The following STK32B variants were observed in gnomAD, a reference collection of about 807,000 sequenced individuals.
STK32B encodes serine/threonine-protein kinase 32B.
A neutral mutation model predicts 52.6 loss-of-function variants in STK32B; 43 were observed. That is an observed-to-expected ratio of 0.82 (90% CI 0.64 to 1.05). The LOEUF (loss-of-function observed/expected upper bound fraction) is 1.05, where lower values mean the gene tolerates loss of function less well. Ranked by LOEUF, STK32B falls within the 50% of genes least tolerant of loss-of-function variation. STK32B has a pLI of 0.00. For synonymous variants in STK32B, 238 were observed against 204.3 expected (o/e 1.17, Z -1.41); for missense variants, 621 against 534.6 (o/e 1.16, Z -1.59).
rs1553871445 is a variant in STK32B at position 5,317,042 on chromosome 4, T to TATATA, written c.261-14177_261-14173dup. 1.2e-3 allele frequency among the ~76,000 whole-genome samples: 23 copies of TATATA among 18,770 alleles called. 2 individuals are homozygous for TATATA. Among genetic ancestry groups the TATATA allele is most frequent in the African/African-American group, 9.8e-3 (13 of 1,322 alleles). The allele number at this position is 18,770 out of a possible 152,430, so 12.3% of individuals were successfully genotyped here. ...ATATAATATATATGATATAATATATTATATATATAATATATATGATATAAT... is the reference window on the plus strand; with the variant it reads ...ATATAATATATATGATATAATATATTATATAATATATATAATATATATGATATAAT... On this transcript the variant is annotated intron_variant, in intron 3 of 11. Transcript: ENST00000282908.
chr4:5,500,300 T>A lies in STK32B; in HGVS notation c.*1217T>A, dbSNP rs1017017707. 6.6e-6 allele frequency: 1 copy of A among 152,220 alleles called. No individual in the cohort carries two copies. The highest frequency in any genetic ancestry group is 2.4e-5 in the African/African-American group (1 of 41,458). The allele number at this position is 152,220 out of a possible 1,614,324, so 9.4% of individuals were successfully genotyped here. On this transcript the variant is annotated 3_prime_UTR_variant, in exon 12 of 12. Transcript: ENST00000282908. The stretch of plus-strand genomic sequence containing the variant: ...TTTTAAACAGGGATAATAAAACTAA[T>A]ATTGCAGGGGAGTTACAGGGTTAAA...
Position 5,086,974 on chromosome 4 carries a change from A to T in STK32B, c.52+35059A>T, listed in dbSNP as rs7679073. Among the ~76,000 whole-genome samples the T allele has an allele frequency of 4.4e-3, 672 of 152,372 alleles. 3 individuals are homozygous for T. Among genetic ancestry groups the T allele is most frequent in the African/African-American group, 0.015 (637 of 41,592 alleles). ...GAAATGAAATGTAAGGATAGTATAG[A>T]GTAACTCAAAGCTGCATGAAGAAAT... On this transcript the variant is annotated intron_variant, in intron 1 of 11. Transcript: ENST00000282908.
At chr4:5,420,812 C>T (rs1042465138) in intron 6 of STK32B, among the ~76,000 whole-genome samples, 2 of 152,196 alleles carry the variant, frequency 1.3e-5, no homozygotes, top group African/African-American at 4.8e-5. Flanking sequence ...GTTCTGACTG[C>T]TTTCATGCTG....
chr4:5,371,359 C>T (rs1489084988), intron 4 of STK32B, among the ~76,000 whole-genome samples: 1 of 152,020 alleles, frequency 6.6e-6, no homozygotes, highest in African/African-American at 2.4e-5. Context: ...GAGGGTGATC[C>T]AATATCAAAG....
intron 1 of STK32B, among the ~76,000 whole-genome samples, chr4:5,052,514 C>T (rs1240464403): frequency 6.6e-6 from 1 of 152,148 alleles, no homozygotes; most frequent in Non-Finnish European, 1.5e-5. Context: ...AACCGCATCT[C>T]AACTTCCTGG....
chr4:5,192,452 C>G (rs1721285544), intron 3 of STK32B, among the ~76,000 whole-genome samples: 2 of 152,174 alleles, frequency 1.3e-5, no homozygotes, highest in Non-Finnish European at 2.9e-5. Context: ...GTTCTGAGTT[C>G]ATAACATTTA....
chr4:5,288,975 G>C (rs1728716700), intron 3 of STK32B, among the ~76,000 whole-genome samples: 1 of 152,166 alleles, frequency 6.6e-6, no homozygotes, highest in Admixed American at 6.5e-5. Flanking sequence ...TGAATAAATG[G>C]TGTTCCAGCA....
chr4:5,481,028 T>TGC (rs1718656530), intron 11 of STK32B, among the ~76,000 whole-genome samples: 1 of 152,310 alleles, frequency 6.6e-6, no homozygotes, highest in Admixed American at 6.5e-5. Context: ...TTGTGAACAG[T>TGC]GCCACAATAA....
At chr4:5,463,126 G>A (rs1405479543) in intron 9 of STK32B, among the ~76,000 whole-genome samples, 2 of 152,374 alleles carry the variant, frequency 1.3e-5, no homozygotes, top group East Asian at 3.9e-4. Context: ...GCATTCCCGT[G>A]GCTGACTTCC....
At chr4:5,130,827 C>G (rs1370995569) in intron 1 of STK32B, among the ~76,000 whole-genome samples, 1 of 152,142 alleles carries the variant, frequency 6.6e-6, no homozygotes, top group Non-Finnish European at 1.5e-5. Context: ...TCTTGCTGTT[C>G]CTGGAACTCA....
chr4:5,262,897 T>C (rs1726815984), intron 3 of STK32B, among the ~76,000 whole-genome samples: 1 of 152,130 alleles, frequency 6.6e-6, no homozygotes, highest in Admixed American at 6.5e-5. Context: ...TAAACATTTA[T>C]TACATTAATA....
intron 6 of STK32B, among the ~76,000 whole-genome samples, chr4:5,431,187 G>T (rs1251542462): frequency 2.6e-5 from 4 of 152,246 alleles, no homozygotes; most frequent in Non-Finnish European, 5.9e-5. Flanking sequence ...AAGAAAACTA[G>T]TGTGACCTGA....
chr4:5,163,767 A>G (rs913943867), intron 2 of STK32B, among the ~76,000 whole-genome samples: 2 of 152,218 alleles, frequency 1.3e-5, no homozygotes, highest in African/African-American at 2.4e-5. Context: ...TTTGGAAGCT[A>G]TCAGTAAATT....
At chr4:5,127,869 C>G (rs980376849) in intron 1 of STK32B, among the ~76,000 whole-genome samples, 1 of 151,620 alleles carries the variant, frequency 6.6e-6, no homozygotes, top group Admixed American at 6.6e-5. Flanking sequence ...CAGCTGTTCT[C>G]GTGATAGTAA....
chr4:5,302,908 C>A (rs1237369740), intron 3 of STK32B, among the ~76,000 whole-genome samples: 3 of 152,028 alleles, frequency 2.0e-5, no homozygotes, highest in African/African-American at 4.8e-5. Flanking sequence ...CCGTTACCAT[C>A]CAGGTTGCTG....
At chr4:5,089,967 G>A (rs916180285) in intron 1 of STK32B, among the ~76,000 whole-genome samples, 1 of 152,176 alleles carries the variant, frequency 6.6e-6, no homozygotes, top group Non-Finnish European at 1.5e-5. Flanking sequence ...GATGATCAGT[G>A]ATGTTGAGCT....
chr4:5,323,740 C>T (rs901748290), intron 3 of STK32B, among the ~76,000 whole-genome samples: 1 of 152,170 alleles, frequency 6.6e-6, no homozygotes, highest in African/African-American at 2.4e-5. Flanking sequence ...GTGTGGAATG[C>T]TCCTGGCTAT....
intron 3 of STK32B, among the ~76,000 whole-genome samples, chr4:5,242,266 A>G (rs1725087985): frequency 6.6e-6 from 1 of 152,182 alleles, no homozygotes; most frequent in Non-Finnish European, 1.5e-5. Context: ...AATGATCGCC[A>G]TTCTAACTGG....
At chr4:5,245,331 A>C (rs1225171220) in intron 3 of STK32B, among the ~76,000 whole-genome samples, 3 of 152,136 alleles carry the variant, frequency 2.0e-5, no homozygotes, top group Non-Finnish European at 2.9e-5. Flanking sequence ...ACCATTATGT[A>C]ATGGCCTTCT....
Sources: allele counts gnomAD v4.1 joint callset (sites outside exome capture counted in the v4.1 genomes callset), GRCh38; gene constraint gnomAD v4.1.1; transcripts MANE v1.5; gene names NCBI Gene and HGNC (gene_info 2026-07-23, HGNC 2026-07-21).